The following BRIP1 variants were observed in gnomAD, a reference collection of about 807,000 sequenced individuals.
The protein encoded by BRIP1 is Fanconi anemia group J protein.
In BRIP1, 88 loss-of-function variants were observed where a neutral mutation model predicts 119.7. That is an observed-to-expected ratio of 0.74 (90% confidence interval 0.62 to 0.88). The LOEUF is 0.88. Ranked by LOEUF, BRIP1 falls within the 40% of genes least tolerant of loss-of-function variation. BRIP1 has a pLI of 0.00. For synonymous variants in BRIP1, 443 were observed against 496.5 expected (o/e 0.89, Z 1.43); for missense variants, 1,259 against 1,455.4 (o/e 0.87, Z 2.20).
rs2077029293 is a variant in BRIP1 at position 61,744,431 on chromosome 17, C to G, written c.2257+1G>C. The stretch of plus-strand genomic sequence containing the variant: ...CCGACCATGAAATAATTTCCAGTTA[C>G]CTTTCTCTCCTTTGTATTTGATTGC... On this transcript the variant is annotated splice_donor_variant, in intron 15 of 19. Coordinates refer to ENST00000259008, the MANE Select transcript of BRIP1 (RefSeq NM_032043.3). LOFTEE classifies it high-confidence loss of function. The surrounding 1 kb of genome is among the most constrained non-coding windows in gnomAD (Gnocchi z 5.0). 6.2e-7 allele frequency: 1 copy of G among 1,613,398 alleles called. No homozygotes were observed. The highest frequency in any genetic ancestry group is 8.5e-7 in the Non-Finnish European group (1 of 1,179,694).
Position 61,715,964 on chromosome 17 carries a change from G to A in BRIP1, c.2479C>T (p.Gln827Ter), listed in dbSNP as rs786203898. ...YEIQAYRALN[Q>*]ALGRCIRHRN... ...CACTCCACTTACCTACCAAGGGCCT[G>A]GTTTAAGGCCCTGTATGCTTGAATT... Residue 827 changes from glutamine to a stop codon, truncating the protein, a stop_gained, in exon 17 of 20, where the codon CAG (glutamine) becomes TAG (stop). Transcript: ENST00000259008. LOFTEE classifies it high-confidence loss of function. 5.0e-6 allele frequency: 8 copies of A among 1,597,716 alleles called. No homozygotes were observed. Among genetic ancestry groups the A allele is most frequent in the Non-Finnish European group, 6.9e-6 (8 of 1,166,792 alleles).
rs75115495 is a variant in BRIP1, at chr17:61,751,693, A to G, written c.2098-7102T>C. Among the ~76,000 whole-genome samples the G allele has an allele frequency of 0.033, 5,005 of 152,316 alleles. 310 individuals carry two copies. Among genetic ancestry groups the G allele is most frequent in the African/African-American group, 0.11 (4,716 of 41,556 alleles). Reference sequence around the variant, plus strand: ...TTCAAAAACAATATGTTCTTTGAGAAAAATATATATAACTTTAAAAAACTC... The same window carrying G: ...TTCAAAAACAATATGTTCTTTGAGAGAAATATATATAACTTTAAAAAACTC... On this transcript the variant is annotated intron_variant, in intron 14 of 19. Coordinates refer to ENST00000259008, the MANE Select transcript of BRIP1 (RefSeq NM_032043.3). This position sits in a 1 kb window ranked among gnomAD's most constrained non-coding sequence, Gnocchi z 6.7.
In BRIP1 at chr17:61,722,660, T is replaced by C. The variant is rs1310526974; in HGVS notation, c.2380-6597A>G. On this transcript the variant is annotated intron_variant, in intron 16 of 19. Transcript: ENST00000259008. This position sits in a 1 kb window ranked among gnomAD's most constrained non-coding sequence, Gnocchi z 4.6. ...ACACCATGGACAGACTGATACATTA[T>C]AGTGGTCACTGTTCCGAAGACAACA... Among the ~76,000 whole-genome samples the C allele has an allele frequency of 6.6e-6, 1 of 152,214 alleles. No homozygotes were observed. Among genetic ancestry groups the C allele is most frequent in the Non-Finnish European group, 1.5e-5 (1 of 68,026 alleles).
rs760806310 is a variant in BRIP1 at position 61,760,432 on chromosome 17, A to G, written c.2098-15841T>C. On this transcript the variant is annotated intron_variant, in intron 14 of 19. Coordinates refer to ENST00000259008, the MANE Select transcript of BRIP1 (RefSeq NM_032043.3). This position sits in a 1 kb window ranked among gnomAD's most constrained non-coding sequence, Gnocchi z 4.6. Reference sequence around the variant, plus strand: ...AAATTAACAGAAGGAAAGAAGTAATAAAGATCAGAGAATAAATAAATAAAG... The same window carrying G: ...AAATTAACAGAAGGAAAGAAGTAATGAAGATCAGAGAATAAATAAATAAAG... Among the ~76,000 whole-genome samples the G allele has an allele frequency of 2.0e-5, 3 of 151,948 alleles. No homozygotes were observed. The highest frequency in any genetic ancestry group is 2.9e-5 in the Non-Finnish European group (2 of 67,894).
rs2077284797 is a variant in BRIP1, at chr17:61,762,071, A to G, written c.2097+14330T>C. 6.6e-6 allele frequency among the ~76,000 whole-genome samples: 1 copy of G among 152,138 alleles called. No homozygotes were observed. The highest frequency in any genetic ancestry group is 6.6e-5 in the Admixed American group (1 of 15,236). ...GGCATAAAAAACAGCCACAGTGACC[A>G]ACGAAACAAAGAGCACAGAAAGAAA... is the stretch of plus-strand genomic sequence containing the variant. On this transcript the variant is annotated intron_variant, in intron 14 of 19. Transcript: ENST00000259008. The surrounding 1 kb of genome is among the most constrained non-coding windows in gnomAD (Gnocchi z 4.3).
Position 61,802,897 on chromosome 17 carries a change from T to C in BRIP1, c.919-1423A>G, listed in dbSNP as rs993138396. 5.9e-5 allele frequency among the ~76,000 whole-genome samples: 9 copies of C among 152,238 alleles called. No homozygotes were observed. The highest frequency in any genetic ancestry group is 4.6e-4 in the Admixed American group (7 of 15,280). On this transcript the variant is annotated intron_variant, in intron 7 of 19. Transcript: ENST00000259008. The surrounding 1 kb of genome is among the most constrained non-coding windows in gnomAD (Gnocchi z 6.0). ...TATATATTGCTTTGCATTACCCTTTTCCCACATCCTTATCAACACTGGTGT... is the reference window on the plus strand; with the variant it reads ...TATATATTGCTTTGCATTACCCTTTCCCCACATCCTTATCAACACTGGTGT...
intron 9 of BRIP1, among the ~76,000 whole-genome samples, chr17:61,797,447 A>G (rs575640937): frequency 6.6e-6 from 1 of 152,036 alleles, no homozygotes; most frequent in Non-Finnish European, 1.5e-5. Context: ...TGTATTTGGC[A>G]ATATAGAGAT....
Position 61,810,587 on chromosome 17 carries a change from C to T in BRIP1, c.628-1830G>A, listed in dbSNP as rs2078147009. ...TGCACTGTTATGTACTATATAGATA[C>T]ATTCTATCTAAGCATAAAAGTAATC... is the stretch of plus-strand genomic sequence containing the variant. On this transcript the variant is annotated intron_variant, in intron 6 of 19. Transcript: ENST00000259008. The surrounding 1 kb of genome is among the most constrained non-coding windows in gnomAD (Gnocchi z 4.7). 6.6e-6 allele frequency among the ~76,000 whole-genome samples: 1 copy of T among 152,084 alleles called. No homozygotes were observed. The highest frequency in any genetic ancestry group is 1.5e-5 in the Non-Finnish European group (1 of 68,018).
rs1381245598 is a variant in BRIP1 at position 61,776,837 on chromosome 17, T to A, written c.1936-275A>T. Among the ~76,000 whole-genome samples, 2 of 152,202 alleles carry A rather than the reference T, an allele frequency of 1.3e-5. No individual in the cohort carries two copies. The highest frequency in any genetic ancestry group is 4.8e-5 in the African/African-American group (2 of 41,452). ...TGTTTACTTAATAGCTTTGCAAAAT[T>A]TAAGCATGTAACAAATTTTTGTTAG... On this transcript the variant is annotated intron_variant, in intron 13 of 19. Coordinates refer to ENST00000259008, the MANE Select transcript of BRIP1 (RefSeq NM_032043.3). The surrounding 1 kb of genome is among the most constrained non-coding windows in gnomAD (Gnocchi z 5.0).
In BRIP1 at chr17:61,860,928, A is replaced by G. The variant is rs193086317; in HGVS notation, c.93+519T>C. The stretch of plus-strand genomic sequence containing the variant: ...TTTCAAATATGTAAAATAATATTCT[A>G]TATTGTTTATGGATACATATATATG... On this transcript the variant is annotated intron_variant, in intron 2 of 19. Coordinates refer to ENST00000259008, the MANE Select transcript of BRIP1 (RefSeq NM_032043.3). This position sits in a 1 kb window ranked among gnomAD's most constrained non-coding sequence, Gnocchi z 4.1. Among the ~76,000 whole-genome samples the G allele has an allele frequency of 1.8e-3, 275 of 152,314 alleles. 2 individuals carry two copies. The highest frequency in any genetic ancestry group is 0.014 in the Middle Eastern group (4 of 294).
At position 61,729,655 on chromosome 17, in the gene BRIP1, C is replaced by G. The variant is rs182968634; in HGVS notation, c.2379+13358G>C. 1.4e-4 allele frequency among the ~76,000 whole-genome samples: 21 copies of G among 152,244 alleles called. No homozygotes were observed. The highest frequency in any genetic ancestry group is 4.6e-4 in the African/African-American group (19 of 41,540). ...TACTGTATTTAGTGTATATTAGACT[C>G]TTGGTAAGTGCTTTATTGGACGTTT... is the stretch of plus-strand genomic sequence containing the variant. On this transcript the variant is annotated intron_variant, in intron 16 of 19. Coordinates refer to ENST00000259008, the MANE Select transcript of BRIP1 (RefSeq NM_032043.3). This position sits in a 1 kb window ranked among gnomAD's most constrained non-coding sequence, Gnocchi z 5.6.
rs1469183833 is a variant in BRIP1 at position 61,703,930 on chromosome 17, C to A, written c.2493-10418G>T. Among the ~76,000 whole-genome samples the A allele has an allele frequency of 6.6e-6, 1 of 152,118 alleles. No individual in the cohort carries two copies. Among genetic ancestry groups the A allele is most frequent in the African/African-American group, 2.4e-5 (1 of 41,434 alleles). On this transcript the variant is annotated intron_variant, in intron 17 of 19. Coordinates refer to ENST00000259008, the MANE Select transcript of BRIP1 (RefSeq NM_032043.3). This position sits in a 1 kb window ranked among gnomAD's most constrained non-coding sequence, Gnocchi z 5.0. ...TGAGGACTTAGTCACAAATTCTTTG[C>A]CAAATCTGATGTTTAGAACAGTATT...
rs1396846444 is a variant in BRIP1, at chr17:61,776,595, G to A, written c.1936-33C>T. ...ATGAATATGTCATTATTAGAGTTAT[G>A]CCTGAAAAAGGCATGGAAATTAGTA... On this transcript the variant is annotated intron_variant, in intron 13 of 19. Transcript: ENST00000259008. This position sits in a 1 kb window ranked among gnomAD's most constrained non-coding sequence, Gnocchi z 5.0. 2 of 1,601,254 alleles carry A rather than the reference G, an allele frequency of 1.2e-6. No individual in the cohort carries two copies. The highest frequency in any genetic ancestry group is 1.3e-5 in the African/African-American group (1 of 74,618).
chr17:61,772,832 A>C (rs1168464352), intron 14 of BRIP1, among the ~76,000 whole-genome samples: 2 of 151,268 alleles, frequency 1.3e-5, no homozygotes, highest in African/African-American at 2.4e-5. Context: ...AAAAAAAAAA[A>C]AAAAAAAAAA....
Position 61,851,118 on chromosome 17 carries a change from C to T in BRIP1, c.380-1862G>A, listed in dbSNP as rs1467026171. Among the ~76,000 whole-genome samples, 1 of 151,820 alleles carries T rather than the reference C, an allele frequency of 6.6e-6. No individual in the cohort carries two copies. The highest frequency in any genetic ancestry group is 2.4e-5 in the African/African-American group (1 of 41,348). ...TGGTGCATGCCTGTAATCCCAGCTA[C>T]TTGGGAGGCTGAGGCAGGAGAATCA... On this transcript the variant is annotated intron_variant, in intron 4 of 19. Coordinates refer to ENST00000259008, the MANE Select transcript of BRIP1 (RefSeq NM_032043.3). The surrounding 1 kb of genome is among the most constrained non-coding windows in gnomAD (Gnocchi z 4.6).
chr17:61,833,257 T>C (rs1254557250), intron 6 of BRIP1, among the ~76,000 whole-genome samples: 2 of 152,222 alleles, frequency 1.3e-5, no homozygotes, highest in African/African-American at 4.8e-5. Flanking sequence ...CTGAATTTTG[T>C]CAACTTTCTC....
At position 61,762,391 on chromosome 17, in the gene BRIP1, A is replaced by G. The variant is rs1343093843; in HGVS notation, c.2097+14010T>C. Among the ~76,000 whole-genome samples the G allele has an allele frequency of 6.6e-6, 1 of 152,116 alleles. No individual in the cohort carries two copies. Among genetic ancestry groups the G allele is most frequent in the Non-Finnish European group, 1.5e-5 (1 of 67,982 alleles). ...AAGCACAGGCAACAAAAGCAAAAATAGGCCAATGCAATTACAACAAAGAGA... is the reference window on the plus strand; with the variant it reads ...AAGCACAGGCAACAAAAGCAAAAATGGGCCAATGCAATTACAACAAAGAGA... On this transcript the variant is annotated intron_variant, in intron 14 of 19. Transcript: ENST00000259008. The surrounding 1 kb of genome is among the most constrained non-coding windows in gnomAD (Gnocchi z 4.3).
rs766290657 is a variant in BRIP1 at position 61,745,420 on chromosome 17, G to A, written c.2098-829C>T. 8.5e-5 allele frequency among the ~76,000 whole-genome samples: 13 copies of A among 152,202 alleles called. No homozygotes were observed. The highest frequency in any genetic ancestry group is 1.8e-4 in the Non-Finnish European group (12 of 68,032). On this transcript the variant is annotated intron_variant, in intron 14 of 19. Coordinates refer to ENST00000259008, the MANE Select transcript of BRIP1 (RefSeq NM_032043.3). This position sits in a 1 kb window ranked among gnomAD's most constrained non-coding sequence, Gnocchi z 4.4. ...CAGGGTCTCTGTCACCCAGGCTGGAGTACAGTGGCAAGATCATAGCTCAGT... is the reference window on the plus strand; with the variant it reads ...CAGGGTCTCTGTCACCCAGGCTGGAATACAGTGGCAAGATCATAGCTCAGT...
In BRIP1 at chr17:61,745,997, ATATAC is replaced by A. The variant is rs1354212820; in HGVS notation, c.2098-1411_2098-1407del. ...AATTGAACTGTTTTATCCACTTGTT[ATATAC>A]TATGAGTTCTACACAATTTGGACAA... On this transcript the variant is annotated intron_variant, in intron 14 of 19. Transcript: ENST00000259008. This position sits in a 1 kb window ranked among gnomAD's most constrained non-coding sequence, Gnocchi z 4.4. Among the ~76,000 whole-genome samples, 1 of 152,084 alleles carries A rather than the reference ATATAC, an allele frequency of 6.6e-6. No individual in the cohort carries two copies. The highest frequency in any genetic ancestry group is 1.5e-5 in the Non-Finnish European group (1 of 67,990).
Sources: allele counts gnomAD v4.1 joint callset (sites outside exome capture counted in the v4.1 genomes callset), GRCh38; gene constraint gnomAD v4.1.1; non-coding constraint Gnocchi (gnomAD v3.1); transcripts MANE v1.5; gene names NCBI Gene and HGNC (gene_info 2026-07-23, HGNC 2026-07-21).